Variants in LPP observed in about 807,000 individuals in gnomAD.
LPP encodes lipoma-preferred partner.
A neutral mutation model predicts 60.4 loss-of-function variants in LPP; 38 were observed. The observed-to-expected ratio is 0.63, with a 90% CI of 0.49 to 0.83. The LOEUF (loss-of-function observed/expected upper bound fraction) is 0.83, where lower values mean the gene tolerates loss of function less well. LPP is among the 40% of genes least tolerant of loss of function. The pLI, the probability that LPP is intolerant of heterozygous loss-of-function variation, is 0.00. For missense variants in LPP, 902 were observed against 783.6 expected, an observed-to-expected ratio of 1.15 and a Z score of -1.80; for synonymous variants, 328 against 290.8, an observed-to-expected ratio of 1.13 and a Z score of -1.30.
chr3:188,312,813 G>A (rs981783683), intron 2 of LPP: 1 of 152,070 alleles, frequency 6.6e-6, no homozygotes, highest in African/African-American at 2.4e-5. Flanking sequence ...CATAATAAAG[G>A]ATGAGTTCAT....
rs1453781841 is a variant in LPP at position 188,832,631 on chromosome 3, T to G, written c.1411-33569T>G. ...TTTACTGTTTTCTAGACAGCTGCTATTTAGAAAAGCCTCCCACCCAATAAA... is the reference window on the plus strand; with the variant it reads ...TTTACTGTTTTCTAGACAGCTGCTAGTTAGAAAAGCCTCCCACCCAATAAA... On this transcript the variant is annotated intron_variant, in intron 9 of 11. Coordinates refer to ENST00000617246, the MANE Select transcript of LPP (RefSeq NM_001375462.1). Among the ~76,000 whole-genome samples, 4 of 152,228 alleles carry G rather than the reference T, an allele frequency of 2.6e-5. No individual in the cohort carries two copies. In the East Asian group the frequency reaches 7.7e-4, roughly 29 times the overall value.
At chr3:188,342,566 T>C (rs1763330433) in intron 3 of LPP, among the ~76,000 whole-genome samples, 1 of 152,240 alleles carries the variant, frequency 6.6e-6, no homozygotes, top group Non-Finnish European at 1.5e-5. Context: ...AGTAACTTTG[T>C]AGAAGATTTG....
intron 6 of LPP, among the ~76,000 whole-genome samples, chr3:188,528,744 G>A (rs187796452): frequency 2.6e-5 from 4 of 152,114 alleles, no homozygotes; most frequent in Admixed American, 1.3e-4. Context: ...TGAGCACTGC[G>A]TGAGCACAAC....
chr3:188,545,191 A>G (rs1349369088), intron 6 of LPP, among the ~76,000 whole-genome samples: 3 of 139,010 alleles, frequency 2.2e-5, no homozygotes, highest in Non-Finnish European at 1.5e-5. Context: ...CCAGCATGGC[A>G]CATGTATACA....
At chr3:188,623,634 A>G (rs1846235099) in intron 7 of LPP, among the ~76,000 whole-genome samples, 1 of 152,250 alleles carries the variant, frequency 6.6e-6, no homozygotes, top group Non-Finnish European at 1.5e-5. Flanking sequence ...TGAAGACTGC[A>G]TGCCTCAAGT....
chr3:188,362,871 A>G (rs1316634964), intron 3 of LPP, among the ~76,000 whole-genome samples: 5 of 152,184 alleles, frequency 3.3e-5, no homozygotes, highest in Admixed American at 3.3e-4. Context: ...CCATTTTGAT[A>G]CTTTAAAATA....
intron 10 of LPP, among the ~76,000 whole-genome samples, chr3:188,871,564 A>G (rs1768093466): frequency 6.6e-6 from 1 of 152,208 alleles, no homozygotes; most frequent in East Asian, 1.9e-4. Context: ...AAAGAGTTAG[A>G]TTATTATCAT....
intron 11 of LPP, among the ~76,000 whole-genome samples, chr3:188,873,627 G>T (rs1768740337): frequency 6.6e-6 from 1 of 151,574 alleles, no homozygotes; most frequent in Non-Finnish European, 1.5e-5. Context: ...CCTCTTAACA[G>T]CTTGGTAAGG....
chr3:188,154,296 G>A (rs753047756), intron 1 of LPP, among the ~76,000 whole-genome samples, 44 bp downstream of exon 1: 11 of 151,996 alleles, frequency 7.2e-5, no homozygotes, highest in Non-Finnish European at 1.3e-4. Flanking sequence ...CCACCCGCGG[G>A]CGCCTCGGGA....
At position 188,887,117 on chromosome 3, in the gene LPP, A is replaced by G. The variant is rs1770774588; in HGVS notation, c.*12638A>G. ...CCGAGGCATAGCAGTAATCGTTACT[A>G]TCTTGACTCTTTCCTTCATCACAAG... On this transcript the variant is annotated 3_prime_UTR_variant, in exon 12 of 12. Transcript: ENST00000617246. The G allele has an allele frequency of 2.6e-5, 6 of 229,164 alleles. No homozygotes were observed. In the South Asian group the frequency reaches 1.1e-3, roughly 42 times the overall value. 14.2% of individuals were successfully genotyped at this position (229,164 alleles called of 1,614,324 possible). A position where few individuals can be genotyped will look rare whatever the true frequency, so the allele number is the denominator to read the frequency against.
chr3:188,563,572 A>G (rs531753064), intron 6 of LPP, among the ~76,000 whole-genome samples: 1 of 151,460 alleles, frequency 6.6e-6, no homozygotes, highest in South Asian at 2.1e-4. Flanking sequence ...TTAATTCTGT[A>G]TAGTGCTCCA....
chr3:188,280,283 T>G (rs1480184088), intron 2 of LPP, among the ~76,000 whole-genome samples: 2 of 152,232 alleles, frequency 1.3e-5, no homozygotes, highest in Admixed American at 1.3e-4. Flanking sequence ...CCTCTGTCAG[T>G]CATCTCTATC....
chr3:188,855,453 A>G (rs1202440789), intron 9 of LPP, among the ~76,000 whole-genome samples: 1 of 152,212 alleles, frequency 6.6e-6, no homozygotes, highest in Non-Finnish European at 1.5e-5. Context: ...GAAGAAAGCA[A>G]CAGGATAAAG....
intron 2 of LPP, among the ~76,000 whole-genome samples, chr3:188,250,153 C>T (rs905842350): frequency 1.2e-4 from 19 of 152,144 alleles, no homozygotes; most frequent in African/African-American, 4.6e-4. Flanking sequence ...ACAGTCCAGC[C>T]TAAGGTCAGG....
chr3:188,619,204 TG>T (rs1336255208), intron 7 of LPP, among the ~76,000 whole-genome samples: 1 of 152,138 alleles, frequency 6.6e-6, no homozygotes, highest in Non-Finnish European at 1.5e-5. Context: ...TTTGTATTTT[TG>T]GTAGAGACGG....
At chr3:188,819,669 A>T (rs145424907) in intron 9 of LPP, among the ~76,000 whole-genome samples, 1 of 152,134 alleles carries the variant, frequency 6.6e-6, no homozygotes, top group Non-Finnish European at 1.5e-5. Context: ...GGTGGGAATG[A>T]GGAAAAAGAA....
At chr3:188,295,548 A>AT (rs1234553720) in intron 2 of LPP, among the ~76,000 whole-genome samples, 3 of 151,806 alleles carry the variant, frequency 2.0e-5, no homozygotes, top group African/African-American at 7.3e-5. Context: ...TTGTTATTTT[A>AT]TTTTTTAGAG....
intron 3 of LPP, among the ~76,000 whole-genome samples, chr3:188,354,303 A>T (rs1366936722): frequency 6.6e-6 from 1 of 152,170 alleles, no homozygotes; most frequent in African/African-American, 2.4e-5. Flanking sequence ...TACAGGTTTC[A>T]TGCTTCTTTT....
At chr3:188,526,116 G>A (rs962616482) in intron 6 of LPP, among the ~76,000 whole-genome samples, 6 of 152,186 alleles carry the variant, frequency 3.9e-5, no homozygotes, top group African/African-American at 9.6e-5. Flanking sequence ...TGACTCTTGC[G>A]TGACATTTGT....
Sources: gnomAD v4.1 joint callset for allele counts (sites outside exome capture counted in the v4.1 genomes callset) on GRCh38, gnomAD v4.1.1 for gene constraint, MANE v1.5 for transcripts, NCBI Gene and HGNC (gene_info 2026-07-23, HGNC 2026-07-21) for gene names.